Variants in SBF2 observed in about 807,000 individuals in gnomAD.
The protein encoded by SBF2 is myotubularin-related protein 13.
Under a neutral mutation model 225.2 loss-of-function variants are expected in SBF2, and 112 were observed. The ratio of observed to expected loss-of-function variants is 0.50; its 90% CI spans 0.43 to 0.58. The LOEUF (loss-of-function observed/expected upper bound fraction) is 0.58, where lower values mean the gene tolerates loss of function less well. SBF2 is among the 20% of genes least tolerant of loss of function. SBF2 has a pLI of 0.00. For synonymous variants in SBF2, 763 were observed against 773.3 expected, an observed-to-expected ratio of 0.99 and a Z score of 0.22; for missense variants, 1,996 against 2,206.2, an observed-to-expected ratio of 0.90 and a Z score of 1.91.
Position 10,257,725 on chromosome 11 carries a change from A to G in SBF2, c.55+36290T>C, listed in dbSNP as rs568183421. ...TACTAAAAAGAGCTTGGTCAGGCAC[A>G]GTGGCTCACGCCTATAATCCCAGCA... On this transcript the variant is annotated intron_variant, in intron 1 of 39. Coordinates refer to ENST00000256190, the MANE Select transcript of SBF2 (RefSeq NM_030962.4). Among the ~76,000 whole-genome samples, 35 of 149,968 alleles carry G rather than the reference A, an allele frequency of 2.3e-4. No individual in the cohort carries two copies. The South Asian group carries it at 7.5e-3, about 32-fold the overall frequency.
At chr11:10,169,256 A>G (rs1175668501) in intron 2 of SBF2, among the ~76,000 whole-genome samples, 3 of 152,158 alleles carry the variant, frequency 2.0e-5, no homozygotes, top group Non-Finnish European at 4.4e-5. Context: ...GTTGTGCTAT[A>G]AAACACTAAA....
intron 9 of SBF2, among the ~76,000 whole-genome samples, chr11:9,996,496 T>G (rs1947709198): frequency 6.6e-6 from 1 of 152,150 alleles, no homozygotes. Context: ...TTCATGCTAT[T>G]CTCCTGCCTC....
chr11:10,016,071 C>A (rs1948637778), intron 6 of SBF2, among the ~76,000 whole-genome samples: 1 of 152,116 alleles, frequency 6.6e-6, no homozygotes, highest in Admixed American at 6.5e-5. Flanking sequence ...GCCACCATGC[C>A]TGGCCCCCAC....
At chr11:10,243,306 T>G (rs1307981880) in intron 1 of SBF2, among the ~76,000 whole-genome samples, 2 of 151,654 alleles carry the variant, frequency 1.3e-5, no homozygotes, top group South Asian at 2.1e-4. Flanking sequence ...TCTCAAAACT[T>G]ATGGGATGCA....
intron 16 of SBF2, among the ~76,000 whole-genome samples, chr11:9,936,723 G>A (rs528415178): frequency 2.8e-4 from 42 of 152,258 alleles, no homozygotes; most frequent in Admixed American, 2.6e-3. Context: ...AACACTGCAT[G>A]TTCTCACTCA....
chr11:9,796,758 AG>A (rs1159921124), intron 32 of SBF2, among the ~76,000 whole-genome samples: 9 of 152,322 alleles, frequency 5.9e-5, no homozygotes, highest in South Asian at 2.1e-4. Flanking sequence ...AAAGGGCAGG[AG>A]CTAATGCCTT....
chr11:10,002,248 A>G (rs1250087815), intron 7 of SBF2, among the ~76,000 whole-genome samples: 1 of 152,182 alleles, frequency 6.6e-6, no homozygotes. Flanking sequence ...CTATCATTAT[A>G]ACTTCTAAAA....
chr11:10,129,292 C>T (rs1051052804), intron 2 of SBF2, among the ~76,000 whole-genome samples: 2 of 151,702 alleles, frequency 1.3e-5, no homozygotes, highest in African/African-American at 4.8e-5. Flanking sequence ...TTAGCAGAGT[C>T]GGGGTTTCGT....
chr11:10,022,775 A>C (rs1465186934), intron 6 of SBF2, among the ~76,000 whole-genome samples: 2 of 152,156 alleles, frequency 1.3e-5, no homozygotes, highest in Admixed American at 1.3e-4. Context: ...AATCTCTTTC[A>C]ATCTCGAGGT....
intron 2 of SBF2, among the ~76,000 whole-genome samples, chr11:10,067,084 CCTGGG>C (rs1232579228): frequency 6.6e-6 from 1 of 152,006 alleles, no homozygotes; most frequent in East Asian, 1.9e-4. Context: ...TTGAGACCAG[CCTGGG>C]CAACACAGTG....
intron 2 of SBF2, among the ~76,000 whole-genome samples, chr11:10,086,279 A>G (rs1951563684): frequency 6.6e-6 from 1 of 151,996 alleles, no homozygotes. Flanking sequence ...GCAATCAGTG[A>G]TTGATGGTTC....
intron 1 of SBF2, among the ~76,000 whole-genome samples, chr11:10,216,617 C>T (rs1255275639): frequency 6.6e-6 from 1 of 152,208 alleles, no homozygotes; most frequent in African/African-American, 2.4e-5. Flanking sequence ...CGCCTGTAAT[C>T]CCAGCACTGT....
chr11:10,215,060 A>G (rs1333629111), intron 1 of SBF2, among the ~76,000 whole-genome samples: 1 of 152,190 alleles, frequency 6.6e-6, no homozygotes, highest in East Asian at 1.9e-4. Context: ...AAGCTCCTGT[A>G]GAAGCTACAG....
intron 2 of SBF2, among the ~76,000 whole-genome samples, chr11:10,147,272 T>A (rs994602233): frequency 3.9e-5 from 6 of 152,120 alleles, no homozygotes; most frequent in Non-Finnish European, 8.8e-5. Flanking sequence ...TGCACCCATA[T>A]GTTTACTGCA....
chr11:9,910,427 C>T (rs1862504974), intron 16 of SBF2, among the ~76,000 whole-genome samples: 1 of 152,102 alleles, frequency 6.6e-6, no homozygotes, highest in African/African-American at 2.4e-5. Flanking sequence ...GTATTTACTA[C>T]ACTATACTTT....
rs1867109559 is a variant in SBF2, at chr11:9,968,459, T to C, written c.1482A>G (p.Pro494=). Residue 494 remains proline, a synonymous_variant, in exon 14 of 40, where the codon CCA becomes CCG. Coordinates refer to ENST00000256190, the MANE Select transcript of SBF2 (RefSeq NM_030962.4). ...CCTGAACCCGGGCTTCATTAATCTC[T>C]GGGAAAGGAAGAATATGAACTCGCA... is the stretch of plus-strand genomic sequence containing the variant. ...SHLRVHILPF[P]EINEARVQEL... is the part of the protein sequence containing the mutation. 6.2e-7 allele frequency: 1 copy of C among 1,613,808 alleles called. No homozygotes were observed. The highest frequency in any genetic ancestry group is 1.7e-5 in the Admixed American group (1 of 59,998).
chr11:9,790,217 C>CTAAAG (rs1330627450), intron 34 of SBF2, among the ~76,000 whole-genome samples: 6 of 152,190 alleles, frequency 3.9e-5, no homozygotes, highest in Non-Finnish European at 8.8e-5. Flanking sequence ...GAAACCTTTT[C>CTAAAG]TAAAGTATTT....
chr11:10,043,015 A>T (rs1215997310), intron 2 of SBF2, 34 bp from the exon 3 acceptor site: 1 of 1,591,652 alleles, frequency 6.3e-7, no homozygotes, highest in Non-Finnish European at 8.6e-7. Flanking sequence ...GTAACATTTA[A>T]AAACAATAAA....
Position 10,138,161 on chromosome 11 carries a change from T to G in SBF2, c.141+55741A>C, listed in dbSNP as rs61129164. On this transcript the variant is annotated intron_variant, in intron 2 of 39. Coordinates refer to ENST00000256190, the MANE Select transcript of SBF2 (RefSeq NM_030962.4). ...AGAATTTTAAAATTATGAATTCAAT[T>G]TTCTTAACAGAATTATTCAAATTAT... 9.6e-4 allele frequency among the ~76,000 whole-genome samples: 146 copies of G among 152,290 alleles called. 1 individual carries two copies. In the East Asian group the frequency reaches 0.024, roughly 25 times the overall value.
Sources: gnomAD v4.1 joint callset for allele counts (sites outside exome capture counted in the v4.1 genomes callset) on GRCh38, gnomAD v4.1.1 for gene constraint, MANE v1.5 for transcripts, NCBI Gene and HGNC (gene_info 2026-07-23, HGNC 2026-07-21) for gene names.